PTOV1: variants seen among roughly 807,000 people sequenced by gnomAD.
PTOV1 encodes the protein PTOV1 extended AT-hook containing adaptor protein.
PTOV1 carries 20 observed loss-of-function variants against 58.0 expected under a neutral mutation model. That is an observed-to-expected ratio of 0.34 (90% CI 0.24 to 0.50). The LOEUF is 0.50. PTOV1 is among the 20% of genes least tolerant of loss of function. PTOV1 has a pLI of 0.98. For synonymous variants in PTOV1, 335 were observed against 234.2 expected (o/e 1.43, Z -3.93); for missense variants, 593 against 565.4 (o/e 1.05, Z -0.50).
At chr19:49,860,520 A>AG in exon 12 of PTOV1, 1 of 637,058 alleles carries the variant, frequency 1.6e-6, no homozygotes, top group Non-Finnish European at 2.7e-6. Flanking sequence ...GGTGGTATCC[A>AG]GGCCTGGGTG....
intron 5 of PTOV1, chr19:49,856,669 C>A: frequency 2.6e-6 from 1 of 391,622 alleles, no homozygotes; most frequent in African/African-American, 2.0e-5. Context: ...CCAAGTCACC[C>A]CATCAGGCAG....
intron 10 of PTOV1, among the ~76,000 whole-genome samples, chr19:49,859,731 C>T (rs1417509950): frequency 1.3e-5 from 2 of 152,154 alleles, no homozygotes; most frequent in Non-Finnish European, 2.9e-5. Flanking sequence ...CCAGACACAG[C>T]CTGGCCTGCC....
rs553041687 is a variant in PTOV1 at position 49,858,281 on chromosome 19, G to A, written c.936+167G>A. 177 of 939,452 alleles carry A rather than the reference G, an allele frequency of 1.9e-4. No homozygotes were observed. The East Asian group carries it at 3.9e-3, about 21-fold the overall frequency. The allele number at this position is 939,452 out of a possible 1,614,324, so 58.2% of individuals were successfully genotyped here. On this transcript the variant is annotated intron_variant, in intron 9 of 11. Transcript: ENST00000391842. ...TAGCTCCTCAGGCTTGGCTTCAAGG[G>A]GTCCCAGGCAGCCAGCTGGTGGCTG...
exon 12 of PTOV1, chr19:49,860,470 G>A: frequency 2.3e-6 from 2 of 888,224 alleles, no homozygotes; most frequent in Non-Finnish European, 3.3e-6. Flanking sequence ...AGCGGTCCTA[G>A]GCTGTCGGGA....
chr19:49,858,271 G>C (rs2122250405), intron 9 of PTOV1, 157 bp downstream of exon 9: 1 of 991,806 alleles, frequency 1.0e-6, no homozygotes, highest in East Asian at 2.6e-5. Context: ...CCTCAGGCTT[G>C]GCTTCAAGGG....
At position 49,857,681 on chromosome 19, in the gene PTOV1, C is replaced by G; in HGVS notation, c.715-12C>G. ...CCTGGGCCCCTCTTCCCACCCCGTT[C>G]CCTTCCAACAGGCAGTGGGACCTGG... is the stretch of plus-strand genomic sequence containing the variant. On this transcript the variant is annotated splice_polypyrimidine_tract_variant and intron_variant, in intron 6 of 11. Transcript: ENST00000391842. 1 of 1,612,886 alleles carries G rather than the reference C, an allele frequency of 6.2e-7. No individual in the cohort carries two copies.
exon 11 of PTOV1, chr19:49,859,999 A>T (rs1213322539): frequency 1.2e-6 from 2 of 1,614,100 alleles, no homozygotes; most frequent in Non-Finnish European, 1.7e-6. Context: ...GGCTGCGTGC[A>T]CTTTTCCTAC....
upstream of PTOV1, chr19:49,850,971 C>A: frequency 6.5e-7 from 1 of 1,535,446 alleles, no homozygotes; most frequent in South Asian, 1.2e-5. Context: ...GGCTCCCGTT[C>A]CCGCCACGCC....
At chr19:49,856,805 G>T in intron 5 of PTOV1, 170 bp from the exon 6 acceptor site, 1 of 761,450 alleles carries the variant, frequency 1.3e-6, no homozygotes, top group Non-Finnish European at 2.1e-6. Context: ...ATGCCGATGG[G>T]CGCTGCACGG....
exon 8 of PTOV1, chr19:49,857,919 A>G (rs755044555): frequency 1.2e-6 from 2 of 1,613,870 alleles, no homozygotes; most frequent in Non-Finnish European, 1.7e-6. Flanking sequence ...GCCTGAGCCC[A>G]ACAGTCGGTC....
intron 10 of PTOV1, 178 bp downstream of exon 10, chr19:49,858,831 T>C (rs1654603725): frequency 1.7e-6 from 1 of 586,302 alleles, no homozygotes; most frequent in South Asian, 2.1e-5. Flanking sequence ...CGGCACTGGA[T>C]GGGGCACTGA....
chr19:49,854,847 C>T, exon 4 of PTOV1: 2 of 1,613,382 alleles, frequency 1.2e-6, no homozygotes, highest in South Asian at 1.1e-5. Context: ...CGACCAGTGG[C>T]CGCAGAAGCT....
intron 9 of PTOV1, 199 bp downstream of exon 9, chr19:49,858,313 G>T: frequency 1.3e-6 from 1 of 778,114 alleles, no homozygotes; most frequent in South Asian, 1.8e-5. Context: ...GCTGTGCAGG[G>T]ACTGAGCGGG....
chr19:49,857,479 A>G (rs1326159675), intron 6 of PTOV1: 2 of 622,298 alleles, frequency 3.2e-6, no homozygotes, highest in Non-Finnish European at 5.7e-6. Context: ...GGTCCTGTGC[A>G]CCAGGTGAGG....
intron 10 of PTOV1, chr19:49,859,419 C>T (rs890602185): frequency 4.5e-5 from 7 of 155,214 alleles, no homozygotes; most frequent in Non-Finnish European, 8.5e-5. Context: ...GGTGAAACCC[C>T]GTCTCTACTA....
chr19:49,860,282 G>T (rs1308556226), exon 12 of PTOV1: 3 of 1,612,838 alleles, frequency 1.9e-6, no homozygotes, highest in Non-Finnish European at 2.5e-6. Flanking sequence ...GGGGGTAGTG[G>T]TTACCCCGGG....
chr19:49,860,715 T>C (rs139794050), exon 12 of PTOV1: 27 of 316,590 alleles, frequency 8.5e-5, no homozygotes, highest in Middle Eastern at 1.9e-3. Flanking sequence ...CCCTCTACGT[T>C]TCCCCAATAA....
In PTOV1 at chr19:49,857,125, AAG is replaced by A; in HGVS notation, c.710_711del (p.Lys237ThrfsTer35). 1 of 1,614,012 alleles carries A rather than the reference AAG, an allele frequency of 6.2e-7. No homozygotes were observed. The highest frequency in any genetic ancestry group is 1.7e-4 in the Middle Eastern group (1 of 6,052). The stretch of plus-strand genomic sequence containing the variant: ...CATCCGGCAGGTCATCACCACCCGC[AAG>A]CAGGTGTGCCAGCCAAGCACAGCCC... On this transcript the variant is annotated frameshift_variant, in exon 6 of 12. Coordinates refer to ENST00000391842, the Ensembl canonical transcript of PTOV1. LOFTEE classifies it high-confidence loss of function.
At chr19:49,852,625 C>G (rs765489035) in intron 1 of PTOV1, 1 of 152,144 alleles carries the variant, frequency 6.6e-6, no homozygotes, top group Admixed American at 6.5e-5. Flanking sequence ...GAAGGTATCC[C>G]TGGGTTTTAG....
Sources: allele counts gnomAD v4.1 joint callset (sites outside exome capture counted in the v4.1 genomes callset), GRCh38; gene constraint gnomAD v4.1.1; transcripts MANE v1.5; gene names NCBI Gene and HGNC (gene_info 2026-07-23, HGNC 2026-07-21).